The following TRIM24 variants were observed in gnomAD, a reference collection of about 807,000 sequenced individuals.
The protein encoded by TRIM24 is tripartite motif containing 24, also known as transcription intermediary factor 1-alpha.
Under a neutral mutation model 123.9 loss-of-function variants are expected in TRIM24, and 29 were observed. The observed-to-expected ratio is 0.23, with a 90% CI of 0.17 to 0.32. The LOEUF is 0.32. TRIM24 is among the 10% of genes least tolerant of loss of function. The pLI is 1.00. For missense variants in TRIM24, 932 were observed against 1,295.3 expected (o/e 0.72, Z 4.31); for synonymous variants, 456 against 461.1 (o/e 0.99, Z 0.14).
At chr7:138,582,399 A>G (rs958699312) in intron 17 of TRIM24, among the ~76,000 whole-genome samples, 5 of 152,026 alleles carry the variant, frequency 3.3e-5, no homozygotes, top group African/African-American at 9.7e-5. Flanking sequence ...AAAATTAGCC[A>G]GGTGTGGTGG....
chr7:138,508,700 C>CGCGCGCGCGCGTGTGTGAGTGTGT (rs1182276337), intron 2 of TRIM24, among the ~76,000 whole-genome samples: 2 of 35,510 alleles, frequency 5.6e-5, no homozygotes, highest in Non-Finnish European at 8.0e-5. Flanking sequence ...TGTGCGCGCG[C>CGCGCGCGCGCGTGTGTGAGTGTGT]GTGTGTGCGT....
At chr7:138,505,604 G>A (rs558644172) in intron 2 of TRIM24, among the ~76,000 whole-genome samples, 16 of 151,876 alleles carry the variant, frequency 1.1e-4, no homozygotes, top group South Asian at 2.1e-4. Flanking sequence ...TGATGTAGTC[G>A]TAGCTCACTG....
chr7:138,472,972 T>A (rs1795305641), intron 1 of TRIM24, among the ~76,000 whole-genome samples: 1 of 152,102 alleles, frequency 6.6e-6, no homozygotes, highest in Non-Finnish European at 1.5e-5. Flanking sequence ...TTCAATCCCT[T>A]ACGATGGTTA....
intron 17 of TRIM24, 53 bp downstream of exon 17, chr7:138,581,824 A>C: frequency 1.4e-6 from 2 of 1,400,254 alleles, no homozygotes; most frequent in South Asian, 1.2e-5. Context: ...GCTTTTCTGG[A>C]ATTTTATGAG....
At chr7:138,479,787 C>T (rs62487616) in intron 1 of TRIM24, among the ~76,000 whole-genome samples, 41,224 of 150,306 alleles carry the variant, frequency 0.27, 6,249 homozygotes, top group East Asian at 0.5. Flanking sequence ...GGATTACAGG[C>T]GTGCCACTGC....
chr7:138,497,581 G>A (rs911471176), intron 1 of TRIM24, among the ~76,000 whole-genome samples: 2 of 151,594 alleles, frequency 1.3e-5, no homozygotes, highest in South Asian at 2.1e-4. Context: ...TTTTAGTAGA[G>A]ACAGGGTTTC....
Position 138,463,030 on chromosome 7 carries a change from C to T in TRIM24, c.364+2118C>T, listed in dbSNP as rs541046997. 3.1e-4 allele frequency among the ~76,000 whole-genome samples: 44 copies of T among 142,732 alleles called. No homozygotes were observed. The South Asian group carries it at 8.9e-3, about 29-fold the overall frequency. The allele number at this position is 142,732 out of a possible 152,430, so 93.6% of individuals were successfully genotyped here. On this transcript the variant is annotated intron_variant, in intron 1 of 18. Coordinates refer to ENST00000343526, the MANE Select transcript of TRIM24 (RefSeq NM_015905.3). The stretch of plus-strand genomic sequence containing the variant: ...GATTACAGGCATGCGCCACCACGTC[C>T]GGCTAATTTTGTGTTTTTTTTTTTT...
intron 4 of TRIM24, among the ~76,000 whole-genome samples, chr7:138,521,282 CTTG>C (rs954204539): frequency 1.3e-5 from 2 of 152,050 alleles, no homozygotes; most frequent in African/African-American, 4.8e-5. Context: ...ACAATAATAT[CTTG>C]TTGATGTGGT....
At chr7:138,551,258 T>C in intron 8 of TRIM24, 78 bp downstream of exon 8, 1 of 1,278,870 alleles carries the variant, frequency 7.8e-7, no homozygotes, top group Non-Finnish European at 1.1e-6. Context: ...TTACTGAAAA[T>C]ATGTTCACTT....
intron 10 of TRIM24, 57 bp from the exon 11 acceptor site, chr7:138,570,773 A>T (rs1797637722): frequency 1.3e-6 from 2 of 1,568,018 alleles, no homozygotes; most frequent in Non-Finnish European, 1.7e-6. Context: ...GATTACATAG[A>T]TGTTGTATTT....
rs1444462027 is a variant in TRIM24, at chr7:138,588,602, A to AG, written c.*3653dup. Reference sequence around the variant, plus strand: ...GTAATCCTAGCTACTCGGGAGGCTGAGGCAGGAGAATCGGCTTGAACCCAG... The same window carrying AG: ...GTAATCCTAGCTACTCGGGAGGCTGAGGGCAGGAGAATCGGCTTGAACCCAG... On this transcript the variant is annotated 3_prime_UTR_variant, in exon 19 of 19. Coordinates refer to ENST00000343526, the MANE Select transcript of TRIM24 (RefSeq NM_015905.3). 2 of 152,996 alleles carry AG rather than the reference A, an allele frequency of 1.3e-5. No homozygotes were observed. The highest frequency in any genetic ancestry group is 3.8e-4 in the East Asian group (2 of 5,212). 9.5% of individuals were successfully genotyped at this position (152,996 alleles called of 1,614,324 possible).
chr7:138,568,263 G>A (rs1008695150), intron 10 of TRIM24, among the ~76,000 whole-genome samples: 13 of 151,512 alleles, frequency 8.6e-5, no homozygotes, highest in Middle Eastern at 3.2e-3. Flanking sequence ...GAGACTACAG[G>A]TACTCGCCAC....
At chr7:138,568,408 T>TTTTTTTTTTTTTTTG (rs1797583031) in intron 10 of TRIM24, among the ~76,000 whole-genome samples, 1 of 131,238 alleles carries the variant, frequency 7.6e-6, no homozygotes, top group Non-Finnish European at 1.6e-5. Context: ...TTTTTTTTTT[T>TTTTTTTTTTTTTTTG]TAAAGTCTCT....
chr7:138,531,203 ATGTATAC>A (rs1796727021), intron 6 of TRIM24, among the ~76,000 whole-genome samples: 1 of 126,482 alleles, frequency 7.9e-6, no homozygotes, highest in Non-Finnish European at 1.7e-5. Flanking sequence ...ACATGTATAC[ATGTATAC>A]GTGTATGTTA....
chr7:138,485,907 A>G (rs1388123866), intron 1 of TRIM24, among the ~76,000 whole-genome samples: 1 of 152,198 alleles, frequency 6.6e-6, no homozygotes, highest in Non-Finnish European at 1.5e-5. Flanking sequence ...TCCTTGAGGA[A>G]TCGCCACACT....
intron 4 of TRIM24, among the ~76,000 whole-genome samples, chr7:138,522,584 CATT>C (rs1405592080): frequency 6.6e-5 from 10 of 152,066 alleles, no homozygotes; most frequent in Non-Finnish European, 1.2e-4. Context: ...ATTTAGAAGA[CATT>C]ATTGAGACAA....
At chr7:138,464,356 C>T (rs1795085628) in intron 1 of TRIM24, among the ~76,000 whole-genome samples, 1 of 151,744 alleles carries the variant, frequency 6.6e-6, no homozygotes, top group South Asian at 2.1e-4. Context: ...TCTTCATTTT[C>T]CTACTGAATT....
At chr7:138,525,963 CG>C (rs1796599567) in intron 5 of TRIM24, among the ~76,000 whole-genome samples, 1 of 152,136 alleles carries the variant, frequency 6.6e-6, no homozygotes, top group Admixed American at 6.5e-5. Context: ...CTCCATGGAG[CG>C]GGGGCAGCTG....
rs1360096622 is a variant in TRIM24, at chr7:138,526,378, T to C, written c.881+1021T>C. Among the ~76,000 whole-genome samples, 3 of 152,188 alleles carry C rather than the reference T, an allele frequency of 2.0e-5. No individual in the cohort carries two copies. The East Asian group carries it at 5.8e-4, about 29-fold the overall frequency. On this transcript the variant is annotated intron_variant, in intron 5 of 18. Transcript: ENST00000343526. ...TATATCTGTTTATTATTATGCATTATGTTGTGTATCTTTTAGTTTTTCTTG... is the reference window on the plus strand; with the variant it reads ...TATATCTGTTTATTATTATGCATTACGTTGTGTATCTTTTAGTTTTTCTTG...
Sources: allele counts gnomAD v4.1 joint callset (sites outside exome capture counted in the v4.1 genomes callset), GRCh38; gene constraint gnomAD v4.1.1; transcripts MANE v1.5; gene names NCBI Gene and HGNC (gene_info 2026-07-23, HGNC 2026-07-21).